Variants in BEST3 observed in about 807,000 individuals in gnomAD.
The protein encoded by BEST3 is bestrophin-3.
Under a neutral mutation model 47.1 loss-of-function variants are expected in BEST3, and 50 were observed. The ratio of observed to expected loss-of-function variants is 1.06; its 90% CI spans 0.85 to 1.34. The LOEUF is 1.34. Among genes scored for constraint, BEST3 ranks in the 40% most tolerant of loss-of-function variants. The pLI, the probability that BEST3 is intolerant of heterozygous loss-of-function variation, is 0.00. For synonymous variants in BEST3, 282 were observed against 298.8 expected, an observed-to-expected ratio of 0.94 and a Z score of 0.58; for missense variants, 765 against 817.0, an observed-to-expected ratio of 0.94 and a Z score of 0.78.
chr12:69,684,282 T>G (rs1885427318), intron 4 of BEST3: 2 of 354,844 alleles, frequency 5.6e-6, no homozygotes, highest in African/African-American at 4.2e-5. Context: ...ATCTTTCTAA[T>G]CAGAGTAAAA....
intron 4 of BEST3, among the ~76,000 whole-genome samples, chr12:69,686,304 G>A (rs1385438595): frequency 6.6e-6 from 1 of 152,122 alleles, no homozygotes; most frequent in Admixed American, 6.5e-5. Flanking sequence ...AGTGAGAGAG[G>A]AGAAGATCAC....
intron 9 of BEST3, chr12:69,670,234 A>G (rs1884474375): frequency 3.9e-6 from 2 of 515,512 alleles, no homozygotes; most frequent in East Asian, 6.1e-5. Flanking sequence ...CTATCCATGG[A>G]AACTGAGAAT....
At chr12:69,668,365 G>A (rs1202692081) in intron 9 of BEST3, among the ~76,000 whole-genome samples, 1 of 152,136 alleles carries the variant, frequency 6.6e-6, no homozygotes, top group Non-Finnish European at 1.5e-5. Context: ...CAAGAGGCAG[G>A]CACTTTTATA....
In BEST3 at chr12:69,655,337, A is replaced by G. The variant is rs745941868; in HGVS notation, c.1577T>C (p.Ile526Thr). 3 of 1,613,944 alleles carry G rather than the reference A, an allele frequency of 1.9e-6. No homozygotes were observed. Among genetic ancestry groups the G allele is most frequent in the East Asian group, 4.5e-5 (2 of 44,882 alleles). The change falls in exon 10 of 10, where the codon ATC becomes ACC. Residue 526 changes from isoleucine to threonine, a missense_variant. By Grantham distance (89) the Ile-to-Thr change is moderately conservative. Coordinates refer to ENST00000330891, the MANE Select transcript of BEST3 (RefSeq NM_032735.3). ...AACCCCTGTAAACTCAGAGCTCAAG[A>G]TGGAGGTAGCGGAATCATGGTGGTA... is the stretch of plus-strand genomic sequence containing the variant. ...GGYHHDSATS[I>T]LSSEFTGVQP...
chr12:69,674,747 T>G (rs1260398776), intron 7 of BEST3, among the ~76,000 whole-genome samples: 2 of 152,236 alleles, frequency 1.3e-5, no homozygotes, highest in African/African-American at 2.4e-5. Context: ...CACTGGGGGC[T>G]GCATTTTCAG....
intron 7 of BEST3, among the ~76,000 whole-genome samples, chr12:69,673,303 G>T (rs1884697529): frequency 6.6e-6 from 1 of 152,234 alleles, no homozygotes; most frequent in South Asian, 2.1e-4. Flanking sequence ...CACTCTGAAG[G>T]GTACACAGGC....
rs1883438273 is a variant in BEST3, at chr12:69,655,700, G to C, written c.1214C>G (p.Pro405Arg). Residue 405 changes from proline to arginine, a missense_variant, in exon 10 of 10, where the codon CCC becomes CGC. Physicochemically the swap from Pro to Arg is moderately radical, Grantham distance 103. Transcript: ENST00000330891. ...GTAGCTTCTTCTTCTGGGGCTGGAG[G>C]GGTGTTCGTGGGCACTCAGGAACCG... ...VKRFLSAHEH[P>R]SSPRRRSYRR... The C allele has an allele frequency of 6.2e-7, 1 of 1,613,840 alleles. No individual in the cohort carries two copies. Among genetic ancestry groups the C allele is most frequent in the Non-Finnish European group, 8.5e-7 (1 of 1,179,992 alleles).
At chr12:69,666,851 A>G (rs1404580946) in intron 9 of BEST3, among the ~76,000 whole-genome samples, 1 of 152,016 alleles carries the variant, frequency 6.6e-6, no homozygotes, top group Admixed American at 6.6e-5. Context: ...TTGGTTTATT[A>G]CCGTTCTTCA....
intron 9 of BEST3, among the ~76,000 whole-genome samples, chr12:69,665,526 G>A (rs913756572): frequency 2.6e-5 from 4 of 152,122 alleles, no homozygotes; most frequent in Non-Finnish European, 5.9e-5. Flanking sequence ...CCGGGAAGTG[G>A]AGGTTGCAGT....
At chr12:69,644,618 T>C (rs1281139154) in intron 9 of BEST3, among the ~76,000 whole-genome samples, 2 of 152,192 alleles carry the variant, frequency 1.3e-5, no homozygotes, top group African/African-American at 4.8e-5. Context: ...TTTTATTAAA[T>C]TTGTGAAGGG....
intron 4 of BEST3, among the ~76,000 whole-genome samples, chr12:69,685,932 A>G (rs1885551703): frequency 6.6e-6 from 1 of 152,190 alleles, no homozygotes; most frequent in African/African-American, 2.4e-5. Flanking sequence ...CTAGTTTTGC[A>G]TGCACTTTCT....
rs1007994107 is a variant in BEST3, at chr12:69,657,618, C to A, written c.1101-1805G>T. 2.0e-5 allele frequency among the ~76,000 whole-genome samples: 3 copies of A among 152,206 alleles called. No homozygotes were observed. In the East Asian group the frequency reaches 5.8e-4, roughly 29 times the overall value. On this transcript the variant is annotated intron_variant, in intron 9 of 9. Coordinates refer to ENST00000330891, the MANE Select transcript of BEST3 (RefSeq NM_032735.3). ...TAGCTCTGGGAGCAACAGTAACCAGCTGGTCCCAGTCCACTATTGGTAGTG... is the reference window on the plus strand; with the variant it reads ...TAGCTCTGGGAGCAACAGTAACCAGATGGTCCCAGTCCACTATTGGTAGTG...
At chr12:69,652,047 T>G (rs1306357244), downstream of BEST3, among the ~76,000 whole-genome samples, 2 of 152,212 alleles carry the variant, frequency 1.3e-5, no homozygotes, top group African/African-American at 4.8e-5. Context: ...ATAACAGCCT[T>G]CTTTGTTTTG....
rs556312540 is a variant in BEST3 at position 69,655,289 on chromosome 12, T to A, written c.1625A>T (p.Gln542Leu). The change falls in exon 10 of 10, where the codon CAG (glutamine) becomes CTG (leucine). Residue 542 changes from glutamine to leucine, a missense_variant. Transcript: ENST00000330891. ...CAGGATGGATCCCATGGGGCCCTGC[T>A]GCTGCTCAGTCTTGCTTGGCTGAAC... Reference protein sequence around the residue: ...TGVQPSKTEQQQGPMGSILSP... With the variant: ...TGVQPSKTEQLQGPMGSILSP... The A allele has an allele frequency of 1.9e-6, 3 of 1,614,212 alleles. No homozygotes were observed. Among genetic ancestry groups the A allele is most frequent in the East Asian group, 4.5e-5 (2 of 44,874 alleles).
chr12:69,663,049 G>C (rs1883964184), intron 9 of BEST3, among the ~76,000 whole-genome samples: 1 of 152,170 alleles, frequency 6.6e-6, no homozygotes, highest in Non-Finnish European at 1.5e-5. Flanking sequence ...CTTCTTTACT[G>C]TTGGGTGTTT....
intron 9 of BEST3, among the ~76,000 whole-genome samples, chr12:69,661,650 C>T (rs1883881337): frequency 6.6e-6 from 1 of 152,192 alleles, no homozygotes; most frequent in Admixed American, 6.5e-5. Flanking sequence ...CAAGGCAACC[C>T]TCCCTCTGAG....
chr12:69,653,206 A>G (rs989474932), downstream of BEST3, among the ~76,000 whole-genome samples: 15 of 152,210 alleles, frequency 9.9e-5, no homozygotes, highest in African/African-American at 3.6e-4. Context: ...TGGTACTCCA[A>G]GCTGGAGCAA....
At chr12:69,694,788 T>G (rs1241850623) in intron 2 of BEST3, among the ~76,000 whole-genome samples, 1 of 152,216 alleles carries the variant, frequency 6.6e-6, no homozygotes, top group East Asian at 1.9e-4. Context: ...AGTTCAGTTT[T>G]CAATTATTCA....
intron 9 of BEST3, among the ~76,000 whole-genome samples, chr12:69,647,756 A>G (rs539644164): frequency 6.6e-6 from 1 of 152,186 alleles, no homozygotes; most frequent in Non-Finnish European, 1.5e-5. Context: ...GATGAATTTG[A>G]TTATATTAAA....
Sources: gnomAD v4.1 joint callset for allele counts (sites outside exome capture counted in the v4.1 genomes callset) on GRCh38, gnomAD v4.1.1 for gene constraint, MANE v1.5 for transcripts, NCBI Gene and HGNC (gene_info 2026-07-23, HGNC 2026-07-21) for gene names.